The following CKMT1B variants were observed in gnomAD, a reference collection of about 807,000 sequenced individuals.
The protein encoded by CKMT1B is creatine kinase U-type, mitochondrial.
In CKMT1B, 13 loss-of-function variants were observed where a neutral mutation model predicts 21.8. That is an observed-to-expected ratio of 0.60 (90% confidence interval 0.39 to 0.95). The LOEUF (loss-of-function observed/expected upper bound fraction) is 0.95, where lower values mean the gene tolerates loss of function less well. CKMT1B is among the 40% of genes least tolerant of loss of function. The pLI, the probability that CKMT1B is intolerant of heterozygous loss-of-function variation, is 0.00. For synonymous variants in CKMT1B, 50 were observed against 80.3 expected (o/e 0.62, Z 2.02); for missense variants, 157 against 227.5 (o/e 0.69, Z 1.99).
Position 43,598,914 on chromosome 15 carries a change from T to G in CKMT1B, c.1099T>G (p.Phe367Val). Reference sequence around the variant, plus strand: ...GGACACTGCTGCTACAGGCGGTGTCTTTGATATTTCTAATTTGGACCGACT... The same window carrying G: ...GGACACTGCTGCTACAGGCGGTGTCGTTGATATTTCTAATTTGGACCGACT... ...GVDTAATGGV[F>V]DISNLDRLGK... The change falls in exon 8 of 9, where the codon TTT (phenylalanine) becomes GTT (valine). Residue 367 changes from phenylalanine (F) to valine (V), a missense_variant. By Grantham distance (50) the Phe-to-Val change is conservative. Coordinates refer to ENST00000441322, the MANE Select transcript of CKMT1B (RefSeq NM_001375484.1). 1 of 1,610,324 alleles carries G rather than the reference T, an allele frequency of 6.2e-7. No individual in the cohort carries two copies. The highest frequency in any genetic ancestry group is 8.5e-7 in the Non-Finnish European group (1 of 1,179,666).
chr15:43,595,969 G>C lies in CKMT1B; in HGVS notation c.558G>C (p.Glu186Asp). Residue 186 changes from glutamate to aspartate, a missense_variant, in exon 4 of 9, where the codon GAG (glutamate) becomes GAC (aspartate). Transcript: ENST00000441322. ...CTTGCACTCGAGCAGAGCGACGAGA[G>C]GTGGAACGTGTTGTGGTGGATGCAC... is the stretch of plus-strand genomic sequence containing the variant. ...PPACTRAERR[E>D]VERVVVDALS... 6.7e-6 allele frequency: 1 copy of C among 149,816 alleles called. No individual in the cohort carries two copies. Among genetic ancestry groups the C allele is most frequent in the Non-Finnish European group, 1.1e-5 (1 of 89,534 alleles). 9.3% of individuals were successfully genotyped at this position (149,816 alleles called of 1,614,324 possible). A position where few individuals can be genotyped will look rare whatever the true frequency, so the allele number is the denominator to read the frequency against.
At chr15:43,596,621 C>T (rs1210929641) in intron 6 of CKMT1B, 90 bp downstream of exon 6, 7 of 1,587,292 alleles carry the variant, frequency 4.4e-6, no homozygotes, top group Admixed American at 1.7e-5. Context: ...TACCAACCAA[C>T]CCAGGACATG....
intron 5 of CKMT1B, 44 bp from the exon 6 acceptor site, chr15:43,596,364 A>G (rs927408121): frequency 2.7e-6 from 4 of 1,474,900 alleles, no homozygotes; most frequent in Non-Finnish European, 3.7e-6. Flanking sequence ...ATCTCTCCCA[A>G]TTCTTGCCTT....
chr15:43,599,377 A>G lies in CKMT1B; in HGVS notation c.*104A>G. 6.3e-7 allele frequency: 1 copy of G among 1,579,678 alleles called. No individual in the cohort carries two copies. Among genetic ancestry groups the G allele is most frequent in the African/African-American group, 1.3e-5 (1 of 74,076 alleles). ...ACCTGCCCCCGCATCCCCTGCCTCC[A>G]TCCTAGTAAAGACTCCTTGCTATGC... On this transcript the variant is annotated 3_prime_UTR_variant, in exon 9 of 9. Coordinates refer to ENST00000441322, the MANE Select transcript of CKMT1B (RefSeq NM_001375484.1).
chr15:43,597,543 G>T, intron 6 of CKMT1B: 1 of 1,152,320 alleles, frequency 8.7e-7, no homozygotes, highest in East Asian at 6.6e-5. Context: ...CTATAAAGAG[G>T]ATCCCTTTAC....
At position 43,599,295 on chromosome 15, in the gene CKMT1B, C is replaced by T. The variant is rs773474441; in HGVS notation, c.*22C>T. 3.7e-6 allele frequency: 6 copies of T among 1,613,620 alleles called. No individual in the cohort carries two copies. The East Asian group carries it at 1.1e-4, about 30-fold the overall frequency. On this transcript the variant is annotated 3_prime_UTR_variant, in exon 9 of 9. Coordinates refer to ENST00000441322, the MANE Select transcript of CKMT1B (RefSeq NM_001375484.1). ...TTAACTCCCCATCGCCAGCTGATGA[C>T]TCAAGATTCCCAGGAGTTCTGCTCA... is the stretch of plus-strand genomic sequence containing the variant.
rs2085628444 is a variant in CKMT1B, at chr15:43,598,860, A to C, written c.1045A>C (p.Arg349=). 1 of 1,608,796 alleles carries C rather than the reference A, an allele frequency of 6.2e-7. No homozygotes were observed. Among genetic ancestry groups the C allele is most frequent in the Non-Finnish European group, 8.5e-7 (1 of 1,179,442 alleles). The change falls in exon 8 of 9, where the codon AGA becomes CGA. Residue 349 remains arginine (R), a synonymous_variant. Coordinates refer to ENST00000441322, the MANE Select transcript of CKMT1B (RefSeq NM_001375484.1). ...SRFPKILENL[R]LQKRGTGGVD... ...CTTCCCAAAGATCCTGGAGAACCTAAGACTCCAAAAACGTGGTACTGGAGG... is the reference window on the plus strand; with the variant it reads ...CTTCCCAAAGATCCTGGAGAACCTACGACTCCAAAAACGTGGTACTGGAGG...
chr15:43,598,717 A>G (rs1202940087), intron 7 of CKMT1B, 110 bp from the exon 8 acceptor site: 1 of 1,422,948 alleles, frequency 7.0e-7, no homozygotes, highest in East Asian at 2.5e-5. Flanking sequence ...AAAAGAAAAA[A>G]GGAAAAAAAA....
rs1265804856 is a variant in CKMT1B at position 43,596,541 on chromosome 15, G to A, written c.876+10G>A. 1 of 1,607,978 alleles carries A rather than the reference G, an allele frequency of 6.2e-7. No homozygotes were observed. Among genetic ancestry groups the A allele is most frequent in the Non-Finnish European group, 8.5e-7 (1 of 1,179,430 alleles). Reference sequence around the variant, plus strand: ...CCGAGGCCTCAAAGAGGTTAGAGAAGACTATGTAGGGGAGCTAGGTGGGAG... The same window carrying A: ...CCGAGGCCTCAAAGAGGTTAGAGAAAACTATGTAGGGGAGCTAGGTGGGAG... On this transcript the variant is annotated intron_variant, in intron 6 of 8. Coordinates refer to ENST00000441322, the MANE Select transcript of CKMT1B (RefSeq NM_001375484.1).
intron 6 of CKMT1B, 200 bp from the exon 7 acceptor site, chr15:43,597,993 T>C: frequency 7.1e-6 from 10 of 1,398,804 alleles, no homozygotes; most frequent in African/African-American, 3.1e-5. Flanking sequence ...CTCATTATTA[T>C]GCACATCATA....
At chr15:43,598,023 T>C in intron 6 of CKMT1B, 170 bp from the exon 7 acceptor site, 1 of 1,411,396 alleles carries the variant, frequency 7.1e-7, no homozygotes. Flanking sequence ...CATGCATGCA[T>C]GAAAACAATA....
intron 5 of CKMT1B, 55 bp from the exon 6 acceptor site, chr15:43,596,353 T>G: frequency 7.1e-7 from 1 of 1,410,796 alleles, no homozygotes; most frequent in Non-Finnish European, 9.6e-7. Context: ...TTTTTCCCTC[T>G]ATCTCTCCCA....
chr15:43,598,044 T>C (rs1297480497), intron 6 of CKMT1B, 149 bp from the exon 7 acceptor site: 1 of 1,461,584 alleles, frequency 6.8e-7, no homozygotes, highest in Non-Finnish European at 9.1e-7. Flanking sequence ...ACAAACCTTT[T>C]TCATTTAAAA....
upstream of CKMT1B, chr15:43,593,072 TCTC>T (rs1252773252): frequency 1.4e-4 from 10 of 69,680 alleles, no homozygotes; most frequent in African/African-American, 4.9e-4. Context: ...CACTTTACCT[TCTC>T]CTCCAGCACA....
Position 43,599,277 on chromosome 15 carries a change from C to T in CKMT1B, c.*4C>T, listed in dbSNP as rs746544685. On this transcript the variant is annotated 3_prime_UTR_variant, in exon 9 of 9. Transcript: ENST00000441322. Reference sequence around the variant, plus strand: ...TGTCATCCACACCAAGCATTAACTCCCCATCGCCAGCTGATGACTCAAGAT... The same window carrying T: ...TGTCATCCACACCAAGCATTAACTCTCCATCGCCAGCTGATGACTCAAGAT... 8.1e-6 allele frequency: 13 copies of T among 1,613,486 alleles called. No individual in the cohort carries two copies. The South Asian group carries it at 1.3e-4, about 16-fold the overall frequency.
At chr15:43,596,639 G>A (rs1034360770) in intron 6 of CKMT1B, 108 bp downstream of exon 6, 1 of 1,556,766 alleles carries the variant, frequency 6.4e-7, no homozygotes, top group South Asian at 1.2e-5. Context: ...ATGTCTTATA[G>A]TAAAAAGGAC....
chr15:43,597,509 C>A, intron 6 of CKMT1B: 1 of 1,248,562 alleles, frequency 8.0e-7, no homozygotes, highest in South Asian at 1.4e-5. Context: ...GTAAGATATC[C>A]CCTATGGCAT....
Position 43,599,302 on chromosome 15 carries a change from T to C in CKMT1B, c.*29T>C. ...CCCATCGCCAGCTGATGACTCAAGA[T>C]TCCCAGGAGTTCTGCTCATTCTAAT... On this transcript the variant is annotated 3_prime_UTR_variant, in exon 9 of 9. Coordinates refer to ENST00000441322, the MANE Select transcript of CKMT1B (RefSeq NM_001375484.1). The C allele has an allele frequency of 6.2e-7, 1 of 1,613,540 alleles. No individual in the cohort carries two copies. The highest frequency in any genetic ancestry group is 1.1e-5 in the South Asian group (1 of 91,042).
chr15:43,596,340 C>CT lies in CKMT1B; in HGVS notation c.752+55dup, dbSNP rs2085566935. On this transcript the variant is annotated intron_variant, in intron 5 of 8. Coordinates refer to ENST00000441322, the MANE Select transcript of CKMT1B (RefSeq NM_001375484.1). ...TTTTGTCTTCATGCCCTCATAAATGCTTTTTTTCCCTCTATCTCTCCCAAT... is the reference window on the plus strand; with the variant it reads ...TTTTGTCTTCATGCCCTCATAAATGCTTTTTTTTCCCTCTATCTCTCCCAAT... The CT allele has an allele frequency of 3.8e-6, 5 of 1,310,080 alleles. No homozygotes were observed. The East Asian group carries it at 1.0e-4, about 26-fold the overall frequency. 81.2% of individuals were successfully genotyped at this position (1,310,080 alleles called of 1,614,324 possible). A position where few individuals can be genotyped will look rare whatever the true frequency, so the allele number is the denominator to read the frequency against.
Sources: gnomAD v4.1 joint callset for allele counts on GRCh38, gnomAD v4.1.1 for gene constraint, MANE v1.5 for transcripts, NCBI Gene and HGNC (gene_info 2026-07-23, HGNC 2026-07-21) for gene names.